The following MIGA1 variants were observed in gnomAD, a reference collection of about 807,000 sequenced individuals.
MIGA1 encodes the protein family with sequence similarity 73, member A.
A neutral mutation model predicts 82.0 loss-of-function variants in MIGA1; 58 were observed. That is an observed-to-expected ratio of 0.71 (90% CI 0.57 to 0.88). MIGA1 has a LOEUF of 0.88. MIGA1 is among the 40% of genes least tolerant of loss of function. The pLI, the probability that MIGA1 is intolerant of heterozygous loss-of-function variation, is 0.00. For missense variants in MIGA1, 751 were observed against 749.1 expected, an observed-to-expected ratio of 1.00 and a Z score of -0.03; for synonymous variants, 249 against 253.6, an observed-to-expected ratio of 0.98 and a Z score of 0.17.
At chr1:77,785,500 C>T (rs527264043) in intron 2 of MIGA1, among the ~76,000 whole-genome samples, 4 of 152,134 alleles carry the variant, frequency 2.6e-5, no homozygotes, top group East Asian at 1.9e-4. Flanking sequence ...TGTGCCACCA[C>T]GCCTGGCTAG....
intron 7 of MIGA1, among the ~76,000 whole-genome samples, chr1:77,823,360 G>T (rs6604877): frequency 1.3e-5 from 2 of 152,004 alleles, no homozygotes; most frequent in Non-Finnish European, 2.9e-5. Context: ...TAACCATTGC[G>T]CAGCTCTATA....
At chr1:77,837,401 C>G (rs980727142) in intron 7 of MIGA1, among the ~76,000 whole-genome samples, 2 of 152,098 alleles carry the variant, frequency 1.3e-5, no homozygotes, top group African/African-American at 4.8e-5. Context: ...TATAGCATAG[C>G]ATCTGGTATC....
intron 7 of MIGA1, among the ~76,000 whole-genome samples, chr1:77,824,115 C>A (rs1683941448): frequency 6.6e-6 from 1 of 152,102 alleles, no homozygotes; most frequent in Non-Finnish European, 1.5e-5. Flanking sequence ...AGCAAACATG[C>A]TGGAAATATT....
Position 77,878,953 on chromosome 1 carries a change from G to A in MIGA1, c.*3889G>A, listed in dbSNP as rs888614773. ...TAAAAATATTTACAAATGTTTTCTT[G>A]CCTTAAAATGTAACATTTTCTACTT... On this transcript the variant is annotated 3_prime_UTR_variant, in exon 16 of 16. Transcript: ENST00000370791. 7.9e-5 allele frequency: 25 copies of A among 314,902 alleles called. No individual in the cohort carries two copies. The highest frequency in any genetic ancestry group is 4.7e-4 in the African/African-American group (22 of 47,150). 19.5% of individuals were successfully genotyped at this position (314,902 alleles called of 1,614,324 possible). A position where few individuals can be genotyped will look rare whatever the true frequency, so the allele number is the denominator to read the frequency against.
At chr1:77,805,626 T>C (rs1683069897) in intron 4 of MIGA1, among the ~76,000 whole-genome samples, 1 of 150,378 alleles carries the variant, frequency 6.6e-6, no homozygotes, top group Non-Finnish European at 1.5e-5. Flanking sequence ...ATCTCCCGGG[T>C]TCCAGTGATT....
intron 7 of MIGA1, among the ~76,000 whole-genome samples, chr1:77,826,668 A>T (rs1684037331): frequency 6.6e-6 from 1 of 152,058 alleles, no homozygotes. Flanking sequence ...TAGAGACAGG[A>T]TCTCACTATG....
rs977321043 is a variant in MIGA1 at position 77,831,415 on chromosome 1, G to A, written c.896-11892G>A. 8.1e-4 allele frequency among the ~76,000 whole-genome samples: 123 copies of A among 152,032 alleles called. 1 individual carries two copies. Among genetic ancestry groups the A allele is most frequent in the African/African-American group, 2.8e-3 (118 of 41,508 alleles). ...GAGTCCAGAAACATGTCTATGCTAT[G>A]TAGGTAATTTTTATACATTTCAAAT... On this transcript the variant is annotated intron_variant, in intron 7 of 15. Coordinates refer to ENST00000370791, the MANE Select transcript of MIGA1 (RefSeq NM_198549.4).
intron 7 of MIGA1, among the ~76,000 whole-genome samples, chr1:77,831,537 A>G (rs1684244759): frequency 6.6e-6 from 1 of 152,192 alleles, no homozygotes; most frequent in Admixed American, 6.5e-5. Context: ...GTTGGCCACA[A>G]CAACTGAGAG....
chr1:77,844,137 TAGATAGATAGATAG>T (rs1295708088), intron 8 of MIGA1, among the ~76,000 whole-genome samples: 7 of 93,792 alleles, frequency 7.5e-5, no homozygotes, highest in Admixed American at 5.8e-4. Flanking sequence ...TATATATATA[TAGATAGATAGATAG>T]ATAGATAGAT....
intron 5 of MIGA1, chr1:77,811,697 C>G: frequency 1.2e-6 from 2 of 1,608,342 alleles, no homozygotes; most frequent in Non-Finnish European, 8.5e-7. Context: ...ATCGCCTCCA[C>G]CAGCTGGCCC....
intron 4 of MIGA1, 74 bp from the exon 5 acceptor site, chr1:77,806,901 T>G: frequency 9.1e-7 from 1 of 1,102,848 alleles, no homozygotes; most frequent in East Asian, 2.5e-5. Context: ...ATAAAAATAA[T>G]TTGTAAATAT....
rs1278632308 is a variant in MIGA1 at position 77,876,220 on chromosome 1, G to T, written c.*1156G>T. On this transcript the variant is annotated 3_prime_UTR_variant, in exon 16 of 16. Transcript: ENST00000370791. ...AGCTACTTGGGAGGCTGAGGTGGGAGGATCACTTGAGTCCAGAAGGTCAAG... is the reference window on the plus strand; with the variant it reads ...AGCTACTTGGGAGGCTGAGGTGGGATGATCACTTGAGTCCAGAAGGTCAAG... 6.6e-6 allele frequency: 1 copy of T among 152,290 alleles called. No individual in the cohort carries two copies. Among genetic ancestry groups the T allele is most frequent in the Admixed American group, 6.5e-5 (1 of 15,284 alleles). The allele number at this position is 152,290 out of a possible 1,614,324, so 9.4% of individuals were successfully genotyped here.
At chr1:77,802,959 A>G (rs936077606) in intron 3 of MIGA1, among the ~76,000 whole-genome samples, 1 of 152,168 alleles carries the variant, frequency 6.6e-6, no homozygotes, top group Non-Finnish European at 1.5e-5. Context: ...AAAATTGTAA[A>G]TTTAACATAG....
chr1:77,843,154 G>T (rs535741612), intron 7 of MIGA1, among the ~76,000 whole-genome samples, 153 bp from the exon 8 acceptor site: 2 of 152,194 alleles, frequency 1.3e-5, no homozygotes, highest in Non-Finnish European at 2.9e-5. Flanking sequence ...CAGAGTTTCA[G>T]ATTCAGTTAA....
intron 7 of MIGA1, among the ~76,000 whole-genome samples, chr1:77,829,030 G>C (rs980603357): frequency 6.6e-6 from 1 of 152,118 alleles, no homozygotes. Flanking sequence ...TATATGGTTT[G>C]TGCTTTCTAT....
chr1:77,809,824 G>T (rs2101784305), intron 5 of MIGA1, among the ~76,000 whole-genome samples: 1 of 146,354 alleles, frequency 6.8e-6, no homozygotes, highest in East Asian at 2.0e-4. Flanking sequence ...ATTATAGTAA[G>T]CTAATGACCT....
chr1:77,869,691 C>CG (rs1557939198), intron 14 of MIGA1, among the ~76,000 whole-genome samples: 1 of 113,594 alleles, frequency 8.8e-6, no homozygotes. Flanking sequence ...GCCGGCTGGG[C>CG]GGGGGGCTGA....
intron 2 of MIGA1, among the ~76,000 whole-genome samples, chr1:77,798,391 A>G (rs527892206): frequency 2.0e-5 from 3 of 152,342 alleles, no homozygotes; most frequent in Non-Finnish European, 1.5e-5. Flanking sequence ...ATGGACTCAC[A>G]GTTCCACATG....
At chr1:77,838,077 C>T (rs1333954724) in intron 7 of MIGA1, among the ~76,000 whole-genome samples, 1 of 152,204 alleles carries the variant, frequency 6.6e-6, no homozygotes, top group Admixed American at 6.5e-5. Flanking sequence ...TGAGCCTTTT[C>T]TGCTCTCAGC....
Sources: allele counts gnomAD v4.1 joint callset (sites outside exome capture counted in the v4.1 genomes callset), GRCh38; gene constraint gnomAD v4.1.1; transcripts MANE v1.5; gene names NCBI Gene and HGNC (gene_info 2026-07-23, HGNC 2026-07-21).